The following TMC1 variants were observed in gnomAD, a reference collection of about 807,000 sequenced individuals.
TMC1 encodes transmembrane channel like 1.
TMC1 carries 84 observed loss-of-function variants against 105.8 expected under a neutral mutation model. The observed-to-expected ratio is 0.79, with a 90% CI of 0.67 to 0.95. The LOEUF is 0.95. TMC1 is among the 40% of genes least tolerant of loss of function. The probability of loss-of-function intolerance (pLI) is 0.00; values close to 1 mark genes in which losing one functional copy is unlikely to be tolerated. For synonymous variants in TMC1, 315 were observed against 311.5 expected, an observed-to-expected ratio of 1.01 and a Z score of -0.12; for missense variants, 817 against 914.1, an observed-to-expected ratio of 0.89 and a Z score of 1.37.
rs1838488 is a variant in TMC1, at chr9:72,717,879, C to A, written c.362+17236C>A. On this transcript the variant is annotated intron_variant, in intron 8 of 23. Coordinates refer to ENST00000297784, the MANE Select transcript of TMC1 (RefSeq NM_138691.3). ...AGGAAGTTTTCCTCTATTATTCCCC[C>A]AAATATGTTTTCCAAACTTAGATTT... Among the ~76,000 whole-genome samples, 404 of 151,980 alleles carry A rather than the reference C, an allele frequency of 2.7e-3. 1 individual carries two copies. Among genetic ancestry groups the A allele is most frequent in the Middle Eastern group, 0.01 (3 of 292 alleles).
At chr9:72,536,601 G>A (rs1414317983) in intron 1 of TMC1, among the ~76,000 whole-genome samples, 2 of 152,248 alleles carry the variant, frequency 1.3e-5, no homozygotes, top group Admixed American at 1.3e-4. Flanking sequence ...CAAAGTGCTG[G>A]GATTACAGAC....
At chr9:72,658,541 A>G (rs886270454) in intron 5 of TMC1, among the ~76,000 whole-genome samples, 31 of 152,136 alleles carry the variant, frequency 2.0e-4, no homozygotes, top group Admixed American at 5.2e-4. Flanking sequence ...TTAACTCTCT[A>G]TCCTAGACAA....
chr9:72,737,357 G>A (rs148540199), intron 8 of TMC1, among the ~76,000 whole-genome samples: 134 of 152,290 alleles, frequency 8.8e-4, no homozygotes, highest in African/African-American at 2.4e-3. Context: ...CCTTCAACAC[G>A]TTCACATCTA....
At chr9:72,535,919 G>T (rs552563480) in intron 1 of TMC1, among the ~76,000 whole-genome samples, 3 of 152,106 alleles carry the variant, frequency 2.0e-5, no homozygotes, top group Non-Finnish European at 4.4e-5. Context: ...TAATTTATTC[G>T]TGAATGATTC....
intron 12 of TMC1, among the ~76,000 whole-genome samples, chr9:72,766,554 C>A (rs1827842112): frequency 6.6e-6 from 1 of 152,050 alleles, no homozygotes; most frequent in Non-Finnish European, 1.5e-5. Context: ...AACTTGTAGC[C>A]AGAGCAAGAA....
chr9:72,830,273 G>A (rs1159391831), intron 21 of TMC1, among the ~76,000 whole-genome samples, 178 bp from the exon 22 acceptor site: 2 of 152,140 alleles, frequency 1.3e-5, no homozygotes, highest in African/African-American at 4.8e-5. Context: ...CATCCTGAAT[G>A]TATCTCTTTA....
rs1265327302 is a variant in TMC1, at chr9:72,836,349, G to C, written c.*376G>C. Reference sequence around the variant, plus strand: ...AACTTTCATTTTATATGTTTCTTTTGCCTGAGTTTCCTTAAACTGAGAGCA... The same window carrying C: ...AACTTTCATTTTATATGTTTCTTTTCCCTGAGTTTCCTTAAACTGAGAGCA... On this transcript the variant is annotated 3_prime_UTR_variant, in exon 24 of 24. Coordinates refer to ENST00000297784, the MANE Select transcript of TMC1 (RefSeq NM_138691.3). The C allele has an allele frequency of 9.4e-6, 2 of 213,826 alleles. No individual in the cohort carries two copies. Among genetic ancestry groups the C allele is most frequent in the Non-Finnish European group, 1.9e-5 (2 of 107,666 alleles). The allele number at this position is 213,826 out of a possible 1,614,324, so 13.2% of individuals were successfully genotyped here.
intron 8 of TMC1, among the ~76,000 whole-genome samples, chr9:72,702,532 C>A (rs1826661924): frequency 6.6e-6 from 1 of 151,880 alleles, no homozygotes; most frequent in Non-Finnish European, 1.5e-5. Context: ...GCTGGGAAAC[C>A]TAAGTTGTAG....
At chr9:72,544,349 C>T (rs1195376738) in intron 1 of TMC1, among the ~76,000 whole-genome samples, 2 of 104,774 alleles carry the variant, frequency 1.9e-5, no homozygotes, top group African/African-American at 4.6e-5. Context: ...ATCCACTTCA[C>T]TCAAGCCATG....
At chr9:72,572,281 C>T (rs1051833506) in intron 1 of TMC1, among the ~76,000 whole-genome samples, 5 of 152,060 alleles carry the variant, frequency 3.3e-5, no homozygotes, top group Non-Finnish European at 5.9e-5. Context: ...ACTGCATCCC[C>T]TGCCTCCCAG....
At chr9:72,706,708 AT>A in intron 8 of TMC1, among the ~76,000 whole-genome samples, 3 of 152,178 alleles carry the variant, frequency 2.0e-5, no homozygotes, top group Admixed American at 2.0e-4. Context: ...TTCACTTAGA[AT>A]AATAGTCTCC....
chr9:72,704,630 T>C (rs949636665), intron 8 of TMC1, among the ~76,000 whole-genome samples: 1 of 152,296 alleles, frequency 6.6e-6, no homozygotes, highest in East Asian at 1.9e-4. Context: ...CAGAATTGGC[T>C]CTATACAGCT....
intron 5 of TMC1, among the ~76,000 whole-genome samples, chr9:72,685,273 A>G (rs1419098858): frequency 1.3e-5 from 2 of 150,086 alleles, no homozygotes; most frequent in Non-Finnish European, 3.0e-5. Context: ...CACCCGGATA[A>G]TTTTTTATAT....
At chr9:72,784,106 G>C (rs368689945) in intron 13 of TMC1, among the ~76,000 whole-genome samples, 6 of 152,038 alleles carry the variant, frequency 3.9e-5, no homozygotes, top group Admixed American at 2.6e-4. Context: ...CACAGCAAAA[G>C]AATTTATCAA....
chr9:72,688,623 T>C, intron 5 of TMC1, 86 bp from the exon 6 acceptor site: 1 of 1,267,598 alleles, frequency 7.9e-7, no homozygotes, highest in Non-Finnish European at 1.1e-6. Flanking sequence ...AAAAACATTA[T>C]GATAAAAACA....
chr9:72,552,790 T>A (rs781257610), intron 1 of TMC1, among the ~76,000 whole-genome samples: 4 of 152,160 alleles, frequency 2.6e-5, no homozygotes, highest in Non-Finnish European at 5.9e-5. Context: ...ATTGTGATTG[T>A]TTCTGTTCGG....
Position 72,567,191 on chromosome 9 carries a change from CAT to C in TMC1, c.-427-10708_-427-10707del, listed in dbSNP as rs1275481561. On this transcript the variant is annotated intron_variant, in intron 1 of 23. Transcript: ENST00000297784. The stretch of plus-strand genomic sequence containing the variant: ...CATTTTCCTGACTCCTCGTTCCAAG[CAT>C]ATGTCTGTCTTTATGTTCCCATAGC... 3.3e-5 allele frequency among the ~76,000 whole-genome samples: 5 copies of C among 152,320 alleles called. No individual in the cohort carries two copies. In the East Asian group the frequency reaches 7.7e-4, roughly 23 times the overall value.
At chr9:72,544,044 C>T (rs1310701891) in intron 1 of TMC1, among the ~76,000 whole-genome samples, 4 of 150,218 alleles carry the variant, frequency 2.7e-5, no homozygotes, top group Admixed American at 1.3e-4. Context: ...CTCTGCCTCC[C>T]GGGTTAAAGT....
chr9:72,671,007 A>G (rs569449806), intron 5 of TMC1, among the ~76,000 whole-genome samples: 1 of 152,330 alleles, frequency 6.6e-6, no homozygotes, highest in Non-Finnish European at 1.5e-5. Context: ...TGAGGCCACT[A>G]TAACAAAAAA....
Sources: allele counts gnomAD v4.1 joint callset (sites outside exome capture counted in the v4.1 genomes callset), GRCh38; gene constraint gnomAD v4.1.1; transcripts MANE v1.5; gene names NCBI Gene and HGNC (gene_info 2026-07-23, HGNC 2026-07-21).